OTUD7B: variants seen among roughly 807,000 people sequenced by gnomAD.
The protein encoded by OTUD7B is OTU domain-containing protein 7B.
Under a neutral mutation model 82.2 loss-of-function variants are expected in OTUD7B, and 34 were observed. The ratio of observed to expected loss-of-function variants is 0.41; its 90% CI spans 0.31 to 0.55. The LOEUF (loss-of-function observed/expected upper bound fraction) is 0.55, where lower values mean the gene tolerates loss of function less well. Among genes scored for constraint, OTUD7B ranks in the 20% least tolerant of loss-of-function variants. The pLI is 0.20. For missense variants in OTUD7B, 944 were observed against 1,062.1 expected (o/e 0.89, Z 1.55); for synonymous variants, 398 against 402.7 (o/e 0.99, Z 0.14).
intron 1 of OTUD7B, among the ~76,000 whole-genome samples, chr1:149,995,091 A>C (rs899877462): frequency 2.0e-5 from 3 of 152,244 alleles, no homozygotes; most frequent in Non-Finnish European, 4.4e-5. Flanking sequence ...CTAGAAAGAC[A>C]AACTGACAAC....
chr1:149,979,134 A>C (rs782509055), intron 1 of OTUD7B, among the ~76,000 whole-genome samples: 1 of 152,068 alleles, frequency 6.6e-6, no homozygotes, highest in African/African-American at 2.4e-5. Flanking sequence ...TGTAACTCCA[A>C]CATCTAGTGT....
At chr1:150,066,516 G>A in the OTUD7B span, among the ~76,000 whole-genome samples, 8 of 152,118 alleles carry the variant, frequency 5.3e-5, no homozygotes, top group Non-Finnish European at 8.8e-5. The surrounding 1 kb of genome is among the most constrained non-coding windows in gnomAD (Gnocchi z 4.6). Context: ...TAAGGGATTT[G>A]AGAATTATAT....
At chr1:149,987,550 A>T (rs932856625) in intron 1 of OTUD7B, among the ~76,000 whole-genome samples, 6 of 152,190 alleles carry the variant, frequency 3.9e-5, no homozygotes, top group Non-Finnish European at 5.9e-5. Flanking sequence ...CAGCTTATTG[A>T]TATACAATAA....
Position 149,937,943 on chromosome 1 carries a change from C to G in OTUD7B, c.*5914G>C, listed in dbSNP as rs1358190111. ...CAGTACACCACCCTTCTGGCCTCAG[C>G]TTTCAGTTTCCTGTCTTGGCTGCAA... On this transcript the variant is annotated 3_prime_UTR_variant, in exon 12 of 12. Transcript: ENST00000581312. 6.6e-6 allele frequency: 1 copy of G among 152,158 alleles called. No individual in the cohort carries two copies. The highest frequency in any genetic ancestry group is 1.5e-5 in the Non-Finnish European group (1 of 68,064). 9.4% of individuals were successfully genotyped at this position (152,158 alleles called of 1,614,324 possible).
the OTUD7B span, chr1:150,054,999 G>T: frequency 7.3e-6 from 2 of 274,144 alleles, no homozygotes; most frequent in South Asian, 3.9e-5. Flanking sequence ...TGTTTGCCCC[G>T]ACAAATGGAA....
At chr1:150,066,524 T>C in the OTUD7B span, among the ~76,000 whole-genome samples, 143 of 152,332 alleles carry the variant, frequency 9.4e-4, 5 homozygotes, top group South Asian at 0.029. This position sits in a 1 kb window ranked among gnomAD's most constrained non-coding sequence, Gnocchi z 4.6. Context: ...TTGAGAATTA[T>C]ATATAATATT....
At chr1:150,041,319 C>T in the OTUD7B span, among the ~76,000 whole-genome samples, 2 of 151,884 alleles carry the variant, frequency 1.3e-5, no homozygotes, top group African/African-American at 2.4e-5. Flanking sequence ...CATTCCAATG[C>T]TTTGTTGTTG....
In OTUD7B at chr1:149,944,952, G is replaced by C; in HGVS notation, c.1437C>G (p.Asn479Lys). Residue 479 changes from asparagine to lysine, a missense_variant, in exon 12 of 12, where the codon AAC becomes AAG. Physicochemically the swap from Asn to Lys is moderately conservative, Grantham distance 94. This residue lies in a region of OTUD7B where 530 missense variants were observed against 625.6 expected (regional missense o/e 0.85). Transcript: ENST00000581312. ...ACTTCTCCTTCCGCCGGCCGCCCTCGTTGCTGGTGGAACTGCTGCCAACTG... is the reference window on the plus strand; with the variant it reads ...ACTTCTCCTTCCGCCGGCCGCCCTCCTTGCTGGTGGAACTGCTGCCAACTG... The part of the protein sequence containing the change: ...KESVGSSSTS[N>K]EGGRRKEKSK... 1 of 1,614,104 alleles carries C rather than the reference G, an allele frequency of 6.2e-7. No individual in the cohort carries two copies. Among genetic ancestry groups the C allele is most frequent in the Non-Finnish European group, 8.5e-7 (1 of 1,180,036 alleles).
chr1:149,970,792 A>G (rs1649868613), intron 3 of OTUD7B, among the ~76,000 whole-genome samples: 1 of 152,172 alleles, frequency 6.6e-6, no homozygotes, highest in South Asian at 2.1e-4. Flanking sequence ...CTTTATGTGA[A>G]CTTTATATCA....
intron 6 of OTUD7B, chr1:149,961,671 G>C (rs1374046050): frequency 6.6e-6 from 1 of 152,178 alleles, no homozygotes; most frequent in Admixed American, 6.5e-5. Flanking sequence ...CTGCTATAGA[G>C]ACGTCTATTG....
the OTUD7B span, among the ~76,000 whole-genome samples, chr1:150,018,490 C>T: frequency 6.6e-6 from 1 of 152,156 alleles, no homozygotes; most frequent in Admixed American, 6.5e-5. Context: ...TATGATGCTG[C>T]AGCTAGTGTC....
At chr1:149,965,302 G>A (rs146640373) in intron 5 of OTUD7B, among the ~76,000 whole-genome samples, 18 of 152,200 alleles carry the variant, frequency 1.2e-4, no homozygotes, top group African/African-American at 3.9e-4. Flanking sequence ...AGGGGTGGAG[G>A]TCACAGTGAG....
intron 1 of OTUD7B, among the ~76,000 whole-genome samples, chr1:149,999,679 C>T (rs1021106169): frequency 6.6e-6 from 1 of 152,192 alleles, no homozygotes; most frequent in Non-Finnish European, 1.5e-5. Context: ...GCCTGGGCAA[C>T]ATAGTGAGAC....
At chr1:150,013,989 CAT>C (rs1469027906), upstream of OTUD7B, among the ~76,000 whole-genome samples, 1 of 129,724 alleles carries the variant, frequency 7.7e-6, no homozygotes, top group African/African-American at 2.8e-5. Context: ...TATACACACA[CAT>C]ATATACACAC....
intron 1 of OTUD7B, among the ~76,000 whole-genome samples, chr1:149,991,774 T>C (rs2101901068): frequency 6.6e-6 from 1 of 152,312 alleles, no homozygotes; most frequent in Non-Finnish European, 1.5e-5. Context: ...GCCCTCAATT[T>C]TCCATGGGAT....
the OTUD7B span, among the ~76,000 whole-genome samples, chr1:150,055,726 T>C: frequency 6.6e-6 from 1 of 152,198 alleles, no homozygotes; most frequent in Non-Finnish European, 1.5e-5. Context: ...AGATCATGTC[T>C]TTTGCAGGTA....
chr1:149,974,396 T>C (rs1212279814), intron 2 of OTUD7B, among the ~76,000 whole-genome samples: 2 of 152,100 alleles, frequency 1.3e-5, no homozygotes, highest in Non-Finnish European at 2.9e-5. Context: ...AAGTACATTG[T>C]TAAAAACTCA....
intron 3 of OTUD7B, among the ~76,000 whole-genome samples, chr1:149,969,695 T>C (rs1222432395): frequency 1.3e-5 from 2 of 152,174 alleles, no homozygotes; most frequent in African/African-American, 2.4e-5. Context: ...CTTACCTTTT[T>C]GAAAAAAATT....
chr1:150,016,049 G>C, the OTUD7B span, among the ~76,000 whole-genome samples: 1 of 152,228 alleles, frequency 6.6e-6, no homozygotes, highest in Non-Finnish European at 1.5e-5. Flanking sequence ...GAGGATGACA[G>C]AGCAAAAATA....
Sources: gnomAD v4.1 joint callset for allele counts (sites outside exome capture counted in the v4.1 genomes callset) on GRCh38, gnomAD v4.1.1 for gene constraint, gnomAD v4.1.1 regional missense constraint, Gnocchi (gnomAD v3.1) non-coding constraint, MANE v1.5 for transcripts, NCBI Gene and HGNC (gene_info 2026-07-23, HGNC 2026-07-21) for gene names.